Variants in PPM1H observed in about 807,000 individuals in gnomAD.
PPM1H encodes the protein protein phosphatase 1H.
In PPM1H, 27 loss-of-function variants were observed where a neutral mutation model predicts 54.9. The ratio of observed to expected loss-of-function variants is 0.49; its 90% confidence interval spans 0.36 to 0.68. PPM1H has a LOEUF of 0.68. PPM1H is among the 30% of genes least tolerant of loss of function. The probability of loss-of-function intolerance (pLI) is 0.00; values close to 1 mark genes in which losing one functional copy is unlikely to be tolerated. For missense variants in PPM1H, 596 were observed against 667.8 expected (o/e 0.89, Z 1.19); for synonymous variants, 305 against 270.8 (o/e 1.13, Z -1.24).
chr12:62,695,470 T>C (rs988095264), intron 6 of PPM1H, among the ~76,000 whole-genome samples: 2 of 152,310 alleles, frequency 1.3e-5, no homozygotes, highest in East Asian at 3.9e-4. Context: ...ATGCTGCTGC[T>C]GTTGAGTGAG....
chr12:62,733,263 C>G (rs1349244570), intron 5 of PPM1H, among the ~76,000 whole-genome samples: 1 of 152,076 alleles, frequency 6.6e-6, no homozygotes, highest in African/African-American at 2.4e-5. Flanking sequence ...CTCCACCCCC[C>G]TCCCTGCCAA....
intron 3 of PPM1H, among the ~76,000 whole-genome samples, chr12:62,798,547 C>A (rs550502869): frequency 1.3e-5 from 2 of 152,024 alleles, no homozygotes; most frequent in South Asian, 4.2e-4. Flanking sequence ...CCTAGACAGA[C>A]AATCTGGGGG....
intron 2 of PPM1H, among the ~76,000 whole-genome samples, chr12:62,826,257 C>A (rs1868290228): frequency 6.6e-6 from 1 of 152,180 alleles, no homozygotes; most frequent in Non-Finnish European, 1.5e-5. Context: ...CAAGACCAGC[C>A]TGGCCAACAT....
At chr12:62,880,780 A>G (rs1870364050) in intron 1 of PPM1H, among the ~76,000 whole-genome samples, 1 of 151,746 alleles carries the variant, frequency 6.6e-6, no homozygotes, top group African/African-American at 2.4e-5. Context: ...TCCTTCCTCA[A>G]CCCCTTATGT....
intron 6 of PPM1H, among the ~76,000 whole-genome samples, chr12:62,703,162 C>T (rs143676421): frequency 2.0e-5 from 3 of 152,278 alleles, no homozygotes; most frequent in East Asian, 1.9e-4. Context: ...CACAGCACAT[C>T]CCCGTAGGAA....
intron 4 of PPM1H, among the ~76,000 whole-genome samples, chr12:62,738,708 G>A (rs1321321447): frequency 2.6e-5 from 4 of 152,092 alleles, no homozygotes; most frequent in African/African-American, 9.7e-5. Flanking sequence ...GCATCAGGGA[G>A]CTAGAGACCT....
rs556062421 is a variant in PPM1H at position 62,799,196 on chromosome 12, T to C, written c.756+2620A>G. Among the ~76,000 whole-genome samples, 10 of 152,328 alleles carry C rather than the reference T, an allele frequency of 6.6e-5. No homozygotes were observed. The East Asian group carries it at 1.9e-3, about 29-fold the overall frequency. ...AGTAGAAATATTTTAAAAATGAGCC[T>C]CTTAAGTATTTTTCTGAATGAACCT... On this transcript the variant is annotated intron_variant, in intron 3 of 9. Coordinates refer to ENST00000228705, the MANE Select transcript of PPM1H (RefSeq NM_020700.2).
At chr12:62,687,520 G>A (rs2076060165) in intron 8 of PPM1H, among the ~76,000 whole-genome samples, 1 of 151,342 alleles carries the variant, frequency 6.6e-6, no homozygotes, top group Non-Finnish European at 1.5e-5. Flanking sequence ...CAAAGTGCTG[G>A]GATTACAGGT....
chr12:62,835,029 G>A (rs1868460678), intron 1 of PPM1H, among the ~76,000 whole-genome samples: 1 of 152,144 alleles, frequency 6.6e-6, no homozygotes, highest in South Asian at 2.1e-4. Context: ...GCTATTTCCA[G>A]AACTTGGCAT....
intron 1 of PPM1H, among the ~76,000 whole-genome samples, chr12:62,916,642 A>G (rs1871633016): frequency 6.6e-6 from 1 of 152,174 alleles, no homozygotes; most frequent in African/African-American, 2.4e-5. Flanking sequence ...TTTGGTGACA[A>G]AAAAATTACT....
intron 4 of PPM1H, among the ~76,000 whole-genome samples, chr12:62,784,528 T>TAA (rs529750155): frequency 6.6e-6 from 1 of 151,090 alleles, no homozygotes; most frequent in Admixed American, 6.6e-5. Context: ...TGTCAAGATG[T>TAA]AAAAAAAAAG....
At chr12:62,737,233 C>CA (rs1226289936) in intron 5 of PPM1H, among the ~76,000 whole-genome samples, 134 of 123,608 alleles carry the variant, frequency 1.1e-3, no homozygotes, top group African/African-American at 3.1e-3. Context: ...AAAAAAAAAA[C>CA]AAAAAAAACA....
chr12:62,801,801 C>T lies in PPM1H; in HGVS notation c.756+15G>A. On this transcript the variant is annotated intron_variant, in intron 3 of 9. Transcript: ENST00000228705. The stretch of plus-strand genomic sequence containing the variant: ...CAGCCTGGCCCTGCTGCCCCAGACT[C>T]CCAGGAATACCTACCATTTCCTTGA... 1 of 1,613,088 alleles carries T rather than the reference C, an allele frequency of 6.2e-7. No individual in the cohort carries two copies. The highest frequency in any genetic ancestry group is 8.5e-7 in the Non-Finnish European group (1 of 1,179,250).
chr12:62,856,918 G>T (rs1869411985), intron 1 of PPM1H, among the ~76,000 whole-genome samples: 1 of 152,098 alleles, frequency 6.6e-6, no homozygotes, highest in Non-Finnish European at 1.5e-5. Context: ...TTGGCATTTT[G>T]TCACAATAAT....
In PPM1H at chr12:62,646,093, C is replaced by T. The variant is rs745781163; in HGVS notation, c.*2396G>A. On this transcript the variant is annotated 3_prime_UTR_variant, in exon 10 of 10. Transcript: ENST00000228705. ...CTTATTTATAGTCTTCCTCCCATCC[C>T]CTGAACACAAACTTGACTTTATCTT... The T allele has an allele frequency of 6.6e-6, 1 of 152,194 alleles. No individual in the cohort carries two copies. The highest frequency in any genetic ancestry group is 1.5e-5 in the Non-Finnish European group (1 of 68,060). 9.4% of individuals were successfully genotyped at this position (152,194 alleles called of 1,614,324 possible). A position where few individuals can be genotyped will look rare whatever the true frequency, so the allele number is the denominator to read the frequency against.
In PPM1H at chr12:62,648,360, T is replaced by G. The variant is rs1185818647; in HGVS notation, c.*129A>C. The G allele has an allele frequency of 8.2e-7, 1 of 1,222,418 alleles. No homozygotes were observed. Among genetic ancestry groups the G allele is most frequent in the Non-Finnish European group, 1.1e-6 (1 of 872,868 alleles). 75.7% of individuals were successfully genotyped at this position (1,222,418 alleles called of 1,614,324 possible). ...ATCTTGAAGCATAGTCTTTTGGCCA[T>G]GAACTCCCCGCTTGGGCTGGGAAGA... On this transcript the variant is annotated 3_prime_UTR_variant, in exon 10 of 10. Transcript: ENST00000228705.
intron 4 of PPM1H, among the ~76,000 whole-genome samples, chr12:62,779,620 C>A (rs1452887617): frequency 6.6e-6 from 1 of 152,206 alleles, no homozygotes; most frequent in Non-Finnish European, 1.5e-5. Context: ...ATCATTATCT[C>A]CATTTACAGT....
intron 1 of PPM1H, among the ~76,000 whole-genome samples, chr12:62,909,487 A>G (rs1370583355): frequency 6.6e-6 from 1 of 151,832 alleles, no homozygotes; most frequent in African/African-American, 2.4e-5. Flanking sequence ...CTGGTCCTCA[A>G]ACACAACAAG....
intron 3 of PPM1H, among the ~76,000 whole-genome samples, chr12:62,793,506 C>T (rs532153343): frequency 2.0e-5 from 3 of 152,020 alleles, no homozygotes; most frequent in African/African-American, 7.2e-5. Flanking sequence ...AGGCAGATCA[C>T]CTGAGGTCGG....
Sources: allele counts gnomAD v4.1 joint callset (sites outside exome capture counted in the v4.1 genomes callset), GRCh38; gene constraint gnomAD v4.1.1; transcripts MANE v1.5; gene names NCBI Gene and HGNC (gene_info 2026-07-23, HGNC 2026-07-21).